Variants in TMPRSS11E observed in about 807,000 individuals in gnomAD.
The protein encoded by TMPRSS11E is transmembrane protease serine 11E.
A neutral mutation model predicts 48.1 loss-of-function variants in TMPRSS11E; 38 were observed. The observed-to-expected ratio is 0.79, with a 90% confidence interval of 0.61 to 1.04. The LOEUF (loss-of-function observed/expected upper bound fraction) is 1.04. Ranked by LOEUF, TMPRSS11E falls within the 50% of genes least tolerant of loss-of-function variation. The pLI is 0.00. For missense variants in TMPRSS11E, 530 were observed against 510.8 expected, an observed-to-expected ratio of 1.04 and a Z score of -0.36; for synonymous variants, 158 against 171.9, an observed-to-expected ratio of 0.92 and a Z score of 0.63.
At chr4:68,458,891 C>T (rs1220399981) in intron 1 of TMPRSS11E, among the ~76,000 whole-genome samples, 3 of 152,020 alleles carry the variant, frequency 2.0e-5, no homozygotes, top group Non-Finnish European at 4.4e-5. Flanking sequence ...TTATCATCCT[C>T]GTTATTTGTA....
chr4:68,482,251 G>T (rs1729424414), intron 9 of TMPRSS11E, among the ~76,000 whole-genome samples: 1 of 152,048 alleles, frequency 6.6e-6, no homozygotes, highest in Non-Finnish European at 1.5e-5. Flanking sequence ...GTGAGTGATT[G>T]GCTCCCATGA....
intron 5 of TMPRSS11E, 43 bp from the exon 6 acceptor site, chr4:68,474,680 A>T (rs1235240194): frequency 6.3e-7 from 1 of 1,591,524 alleles, no homozygotes; most frequent in Non-Finnish European, 8.6e-7. Context: ...GCATAGTGTA[A>T]CTCTGATGTG....
chr4:68,481,260 A>G (rs138000127), intron 9 of TMPRSS11E, among the ~76,000 whole-genome samples: 267 of 152,342 alleles, frequency 1.8e-3, no homozygotes, highest in African/African-American at 6.2e-3. Flanking sequence ...TGCCATGAAC[A>G]TATGCATACA....
rs918079294 is a variant in TMPRSS11E at position 68,469,177 on chromosome 4, A to G, written c.326+231A>G. On this transcript the variant is annotated intron_variant, in intron 4 of 9. Transcript: ENST00000305363. ...GGTATAATTGGTGCCTATGTTATAA[A>G]ATTGTTTTCTGGGAAACTTACCAAG... is the stretch of plus-strand genomic sequence containing the variant. Among the ~76,000 whole-genome samples, 3 of 152,070 alleles carry G rather than the reference A, an allele frequency of 2.0e-5. No individual in the cohort carries two copies. The East Asian group carries it at 5.8e-4, about 29-fold the overall frequency.
intron 7 of TMPRSS11E, among the ~76,000 whole-genome samples, chr4:68,477,049 A>G (rs1463271992): frequency 1.3e-5 from 2 of 152,138 alleles, no homozygotes; most frequent in Non-Finnish European, 2.9e-5. Context: ...CATGAGACAC[A>G]TAGAATATAT....
intron 9 of TMPRSS11E, among the ~76,000 whole-genome samples, chr4:68,492,838 A>G (rs1033420820): frequency 2.6e-5 from 4 of 152,176 alleles, no homozygotes; most frequent in African/African-American, 9.7e-5. Flanking sequence ...ACTACCATGA[A>G]TAATGAGAAT....
Position 68,477,483 on chromosome 4 carries a change from T to C in TMPRSS11E, c.822T>C (p.His274=). The change falls in exon 8 of 10, where the codon CAT becomes CAC. Residue 274 remains histidine, a synonymous_variant. Transcript: ENST00000305363. Reference sequence around the variant, plus strand: ...ATGAAAAATACAAACACCCATCACATGACTATGATATTTCTCTTGCAGAGC... The same window carrying C: ...ATGAAAAATACAAACACCCATCACACGACTATGATATTTCTCTTGCAGAGC... ...IVHEKYKHPS[H]DYDISLAELS... is the part of the protein sequence containing the mutation. The C allele has an allele frequency of 6.2e-7, 1 of 1,614,020 alleles. No homozygotes were observed.
At position 68,496,772 on chromosome 4, in the gene TMPRSS11E, C is replaced by T. The variant is rs771409177; in HGVS notation, c.1240C>T (p.Arg414Trp). The T allele has an allele frequency of 3.1e-6, 5 of 1,612,812 alleles. No individual in the cohort carries two copies. In the South Asian group the frequency reaches 3.3e-5, roughly 11 times the overall value. The change falls in exon 10 of 10, where the codon CGG becomes TGG. Residue 414 changes from arginine to tryptophan, a missense_variant. Arg to Trp is a moderately radical substitution (Grantham distance 101, BLOSUM62 -3). Coordinates refer to ENST00000305363, the MANE Select transcript of TMPRSS11E (RefSeq NM_014058.4). ...PGVYTRVTAL[R>W]DWITSKTGI ...TGTTTATACTAGAGTTACGGCCTTG[C>T]GGGACTGGATTACTTCAAAAACTGG...
At chr4:68,487,316 A>C (rs2708676) in intron 9 of TMPRSS11E, among the ~76,000 whole-genome samples, 1 of 151,492 alleles carries the variant, frequency 6.6e-6, no homozygotes, top group Non-Finnish European at 1.5e-5. Context: ...GCAAAGGTGC[A>C]ATCTGAGCTC....
intron 2 of TMPRSS11E, among the ~76,000 whole-genome samples, chr4:68,462,745 T>C (rs1398107198): frequency 6.6e-6 from 1 of 152,144 alleles, no homozygotes. Flanking sequence ...GTTATTAAAA[T>C]CTCATCTTAG....
At chr4:68,459,971 G>A (rs553663632) in intron 1 of TMPRSS11E, among the ~76,000 whole-genome samples, 1 of 152,266 alleles carries the variant, frequency 6.6e-6, no homozygotes, top group South Asian at 2.1e-4. Flanking sequence ...TCATTGTGGA[G>A]AAGACTTTTT....
chr4:68,450,921 A>G (rs541222220), intron 1 of TMPRSS11E, among the ~76,000 whole-genome samples: 1 of 152,084 alleles, frequency 6.6e-6, no homozygotes, highest in Non-Finnish European at 1.5e-5. Context: ...GGTCTGCAGT[A>G]GCTGTCTGCT....
intron 4 of TMPRSS11E, 23 bp from the exon 5 acceptor site, chr4:68,471,437 T>C (rs1729064253): frequency 8.9e-7 from 1 of 1,119,048 alleles, no homozygotes. Flanking sequence ...CTTTCTTTCA[T>C]TTTCTTCTTT....
At position 68,447,508 on chromosome 4, in the gene TMPRSS11E, T is replaced by G; in HGVS notation, c.-5T>G. On this transcript the variant is annotated 5_prime_UTR_variant, in exon 1 of 10. Coordinates refer to ENST00000305363, the MANE Select transcript of TMPRSS11E (RefSeq NM_014058.4). ...CTTCACAGGACTCTTCATTGCTGGT[T>G]GGCAATGATGTATCGGTGAGTTAGT... 6.2e-7 allele frequency: 1 copy of G among 1,609,586 alleles called. No homozygotes were observed.
At chr4:68,471,009 G>T (rs989952075) in intron 4 of TMPRSS11E, among the ~76,000 whole-genome samples, 1 of 151,740 alleles carries the variant, frequency 6.6e-6, no homozygotes, top group East Asian at 1.9e-4. Context: ...TTTTGACAAG[G>T]TGTCTTTTTA....
At chr4:68,465,125 C>T (rs990101576) in intron 2 of TMPRSS11E, among the ~76,000 whole-genome samples, 3 of 152,080 alleles carry the variant, frequency 2.0e-5, no homozygotes, top group Non-Finnish European at 4.4e-5. Context: ...TTTCCAGGTA[C>T]CTGCCTGAAT....
At chr4:68,475,427 T>C (rs1468448148) in intron 6 of TMPRSS11E, among the ~76,000 whole-genome samples, 1 of 152,158 alleles carries the variant, frequency 6.6e-6, no homozygotes, top group Non-Finnish European at 1.5e-5. Context: ...AAATATGTGC[T>C]ACTCACCAGC....
chr4:68,464,392 G>A (rs941652028), intron 2 of TMPRSS11E, among the ~76,000 whole-genome samples: 1 of 152,266 alleles, frequency 6.6e-6, no homozygotes, highest in East Asian at 1.9e-4. Context: ...CTTTGGGGGT[G>A]CATTTCTGCC....
chr4:68,471,413 T>A (rs1461481774), intron 4 of TMPRSS11E, 47 bp from the exon 5 acceptor site: 1 of 954,996 alleles, frequency 1.0e-6, no homozygotes, highest in African/African-American at 1.8e-5. Context: ...TGCCTTTCTT[T>A]CTTCTTTTCT....
Sources: allele counts gnomAD v4.1 joint callset (sites outside exome capture counted in the v4.1 genomes callset), GRCh38; gene constraint gnomAD v4.1.1; transcripts MANE v1.5; gene names NCBI Gene and HGNC (gene_info 2026-07-23, HGNC 2026-07-21).